The following EFCC1 variants were observed in gnomAD, a reference collection of about 807,000 sequenced individuals.
The protein encoded by EFCC1 is EF-hand and coiled-coil domain-containing protein 1.
In EFCC1, 50 loss-of-function variants were observed where a neutral mutation model predicts 52.1. The observed-to-expected ratio is 0.96, with a 90% confidence interval of 0.76 to 1.21. The LOEUF (loss-of-function observed/expected upper bound fraction) is 1.21, where lower values mean the gene tolerates loss of function less well. Ranked by LOEUF, EFCC1 falls within the 50% of genes most tolerant of loss-of-function variation. The pLI is 0.00. For synonymous variants in EFCC1, 399 were observed against 396.5 expected, an observed-to-expected ratio of 1.01 and a Z score of -0.08; for missense variants, 837 against 867.3, an observed-to-expected ratio of 0.97 and a Z score of 0.44.
At chr3:129,038,587 C>A (rs1264741029) in intron 6 of EFCC1, among the ~76,000 whole-genome samples, 1 of 152,214 alleles carries the variant, frequency 6.6e-6, no homozygotes, top group African/African-American at 2.4e-5. Context: ...AGATGGTAAT[C>A]CTTAGGTACG....
intron 2 of EFCC1, among the ~76,000 whole-genome samples, chr3:129,027,098 C>T (rs931489369): frequency 3.3e-5 from 5 of 152,226 alleles, no homozygotes; most frequent in South Asian, 2.1e-4. Flanking sequence ...CTTCGTCGGT[C>T]ATCATGCTCC....
At chr3:129,030,540 G>A (rs1946251155) in intron 2 of EFCC1, 163 bp from the exon 3 acceptor site, 1 of 756,016 alleles carries the variant, frequency 1.3e-6, no homozygotes, top group African/African-American at 1.8e-5. Flanking sequence ...TAGCTGCAAG[G>A]GATGCTGGGA....
At chr3:129,025,584 A>T (rs1946071030) in intron 2 of EFCC1, among the ~76,000 whole-genome samples, 2 of 152,124 alleles carry the variant, frequency 1.3e-5, no homozygotes, top group African/African-American at 4.8e-5. Context: ...GGTAGCTGGG[A>T]AAGTCATATG....
In EFCC1 at chr3:129,039,940, C is replaced by T. The variant is rs780892464; in HGVS notation, c.*92C>T. Reference sequence around the variant, plus strand: ...GCCCAACCACTGACAGCTGGTCTGACCACCGTCACATCATCAGAACTTGAG... The same window carrying T: ...GCCCAACCACTGACAGCTGGTCTGATCACCGTCACATCATCAGAACTTGAG... On this transcript the variant is annotated 3_prime_UTR_variant, in exon 8 of 8. Transcript: ENST00000683648. 3.3e-5 allele frequency: 47 copies of T among 1,444,314 alleles called. No individual in the cohort carries two copies. The highest frequency in any genetic ancestry group is 4.1e-5 in the Non-Finnish European group (45 of 1,085,932). The allele number at this position is 1,444,314 out of a possible 1,614,324, so 89.5% of individuals were successfully genotyped here.
At chr3:129,038,981 C>T (rs1946391031) in intron 7 of EFCC1, 81 bp downstream of exon 7, 2 of 1,195,988 alleles carry the variant, frequency 1.7e-6, no homozygotes, top group African/African-American at 1.5e-5. Flanking sequence ...GTGCTTCATG[C>T]TTAGCATCTT....
chr3:129,032,770 C>G (rs931974488), intron 3 of EFCC1, 49 bp from the exon 4 acceptor site: 12 of 1,534,766 alleles, frequency 7.8e-6, no homozygotes, highest in Non-Finnish European at 8.8e-6. Flanking sequence ...GGAGGGATGC[C>G]TGGTTCCCCA....
chr3:129,008,036 C>T (rs965836681), intron 2 of EFCC1, among the ~76,000 whole-genome samples: 1 of 152,228 alleles, frequency 6.6e-6, no homozygotes, highest in African/African-American at 2.4e-5. Flanking sequence ...GGCCATGATC[C>T]TTGAGAGTCA....
At chr3:129,038,936 G>C (rs1946390256) in intron 7 of EFCC1, 36 bp downstream of exon 7, 2 of 1,579,476 alleles carry the variant, frequency 1.3e-6, no homozygotes, top group Admixed American at 3.3e-5. Flanking sequence ...AGCCCACGCA[G>C]TGGCTGGAGG....
rs1277120053 is a variant in EFCC1, at chr3:129,030,861, G to T, written c.1138+1G>T. The T allele has an allele frequency of 1.9e-6, 3 of 1,549,470 alleles. No homozygotes were observed. Among genetic ancestry groups the T allele is most frequent in the Non-Finnish European group, 2.6e-6 (3 of 1,145,792 alleles). ...TCTGGAAGCAGAGCCCTGGATGAAG[G>T]TTTGTCCCCTGTGCGCCCAGTCTTC... On this transcript the variant is annotated splice_donor_variant, in intron 3 of 7. Transcript: ENST00000683648. LOFTEE classifies it high-confidence loss of function.
Position 129,023,806 on chromosome 3 carries a change from C to G in EFCC1, c.981-6897C>G, listed in dbSNP as rs188279028. ...GCATTATCCTATCACGTAGGGTCCA[C>G]CCCTCTCTGAGGTGCACAGAGGGCT... On this transcript the variant is annotated intron_variant, in intron 2 of 7. Transcript: ENST00000683648. Among the ~76,000 whole-genome samples the G allele has an allele frequency of 5.3e-5, 8 of 152,316 alleles. No homozygotes were observed. The East Asian group carries it at 1.3e-3, about 26-fold the overall frequency.
chr3:129,036,844 G>A (rs559010554), intron 5 of EFCC1, 133 bp from the exon 6 acceptor site: 11 of 1,321,240 alleles, frequency 8.3e-6, no homozygotes, highest in South Asian at 2.6e-5. Flanking sequence ...CCAACCCGCT[G>A]TGTGGCTTTA....
chr3:129,011,550 C>CA lies in EFCC1; in HGVS notation c.980+7489dup, dbSNP rs1201411639. Among the ~76,000 whole-genome samples, 594 of 93,402 alleles carry CA rather than the reference C, an allele frequency of 6.4e-3. 1 individual carries two copies. The highest frequency in any genetic ancestry group is 0.021 in the Middle Eastern group (3 of 140). 61.3% of individuals were successfully genotyped at this position (93,402 alleles called of 152,430 possible). The stretch of plus-strand genomic sequence containing the variant: ...TGGGTGACAGAGCAAGACTCCGTCT[C>CA]AAAAAAAAAAAAAAAAGAATGAAGC... On this transcript the variant is annotated intron_variant, in intron 2 of 7. Coordinates refer to ENST00000683648, the MANE Select transcript of EFCC1 (RefSeq NM_001377500.1).
At chr3:129,038,531 G>C (rs898048244) in intron 6 of EFCC1, among the ~76,000 whole-genome samples, 10 of 152,264 alleles carry the variant, frequency 6.6e-5, no homozygotes, top group Non-Finnish European at 1.5e-4. Context: ...ATGAGCAAAT[G>C]CATTAAAATG....
At chr3:129,018,355 CA>C (rs1945680508) in intron 2 of EFCC1, among the ~76,000 whole-genome samples, 1 of 152,140 alleles carries the variant, frequency 6.6e-6, no homozygotes, top group African/African-American at 2.4e-5. Flanking sequence ...ATAGTTTTTA[CA>C]TTTTTAAATG....
intron 2 of EFCC1, among the ~76,000 whole-genome samples, chr3:129,011,548 C>T (rs1407151808): frequency 1.4e-5 from 2 of 142,374 alleles, no homozygotes; most frequent in African/African-American, 5.5e-5. Context: ...AAGACTCCGT[C>T]TCAAAAAAAA....
intron 2 of EFCC1, among the ~76,000 whole-genome samples, chr3:129,027,493 G>A (rs1245732590): frequency 6.6e-6 from 1 of 152,180 alleles, no homozygotes; most frequent in African/African-American, 2.4e-5. Context: ...ATCAGCCGCG[G>A]GAGGCTCCCT....
chr3:129,015,065 G>A (rs924308499), intron 2 of EFCC1, among the ~76,000 whole-genome samples: 5 of 152,144 alleles, frequency 3.3e-5, no homozygotes, highest in Non-Finnish European at 7.3e-5. Flanking sequence ...CACAGCATCA[G>A]GTTAATCTTT....
intron 6 of EFCC1, among the ~76,000 whole-genome samples, chr3:129,037,869 T>C (rs916048629): frequency 7.5e-5 from 11 of 146,762 alleles, no homozygotes; most frequent in Admixed American, 1.4e-4. Context: ...GAGACCAGCC[T>C]GGCCAATATG....
At position 129,002,007 on chromosome 3, in the gene EFCC1, G is replaced by A; in HGVS notation, c.379G>A (p.Glu127Lys). Reference protein sequence around the residue: ...LATDGDSDTDEEARLALRAEP... With the variant: ...LATDGDSDTDKEARLALRAEP... ...CACGGACGGGGACTCAGATACCGAT[G>A]AAGAGGCGCGCCTGGCGCTGCGCGC... is the stretch of plus-strand genomic sequence containing the variant. Residue 127 changes from glutamate to lysine, a missense_variant, in exon 1 of 8, where the codon GAA becomes AAA. By Grantham distance (56) the Glu-to-Lys change is moderately conservative (BLOSUM62 1). Transcript: ENST00000683648. The A allele has an allele frequency of 3.2e-6, 5 of 1,545,896 alleles. No homozygotes were observed. The South Asian group carries it at 4.8e-5, about 15-fold the overall frequency.
Sources: gnomAD v4.1 joint callset for allele counts (sites outside exome capture counted in the v4.1 genomes callset) on GRCh38, gnomAD v4.1.1 for gene constraint, MANE v1.5 for transcripts, NCBI Gene and HGNC (gene_info 2026-07-23, HGNC 2026-07-21) for gene names.